The following ADAMTSL1 variants were observed in gnomAD, a reference collection of about 807,000 sequenced individuals.
ADAMTSL1 encodes ADAMTS like 1, also known as ADAMTS-like protein 1.
Under a neutral mutation model 201.8 loss-of-function variants are expected in ADAMTSL1, and 126 were observed. The ratio of observed to expected loss-of-function variants is 0.62; its 90% confidence interval spans 0.54 to 0.72. ADAMTSL1 has a LOEUF of 0.72. Among genes scored for constraint, ADAMTSL1 ranks in the 30% least tolerant of loss-of-function variants. ADAMTSL1 has a pLI of 0.00. For synonymous variants in ADAMTSL1, 1,121 were observed against 903.4 expected (o/e 1.24, Z -4.32); for missense variants, 2,679 against 2,277.8 (o/e 1.18, Z -3.59).
intron 17 of ADAMTSL1, among the ~76,000 whole-genome samples, chr9:18,774,365 T>C (rs1820862683): frequency 1.3e-5 from 2 of 152,092 alleles, no homozygotes; most frequent in Admixed American, 1.3e-4. Context: ...ACTTGAGCCC[T>C]CTGTTCTGTC....
At chr9:18,186,565 T>C (rs1369064758) in intron 2 of ADAMTSL1, among the ~76,000 whole-genome samples, 2 of 152,158 alleles carry the variant, frequency 1.3e-5, no homozygotes, top group Admixed American at 1.3e-4. Flanking sequence ...ACTTTGCATT[T>C]CAGTCCCTTT....
At chr9:18,550,042 T>C (rs1820706636) in intron 3 of ADAMTSL1, among the ~76,000 whole-genome samples, 1 of 151,988 alleles carries the variant, frequency 6.6e-6, no homozygotes, top group African/African-American at 2.4e-5. Flanking sequence ...AGATGACAGC[T>C]GCTCTGGAAA....
intron 2 of ADAMTSL1, among the ~76,000 whole-genome samples, chr9:18,173,177 C>T (rs139440266): frequency 1.4e-3 from 214 of 152,196 alleles, no homozygotes; most frequent in African/African-American, 5.0e-3. Context: ...GCATGTATAA[C>T]AAAAACTTGG....
chr9:18,889,700 G>C lies in ADAMTSL1; in HGVS notation c.4595G>C (p.Arg1532Pro). The C allele has an allele frequency of 1.9e-6, 3 of 1,576,698 alleles. No homozygotes were observed. The highest frequency in any genetic ancestry group is 2.6e-6 in the Non-Finnish European group (3 of 1,160,814). The part of the protein sequence containing the change: ...VNPAHCAGKV[R>P]PAVQPIACNR... ...CCTGCCCACTGCGCAGGGAAGGTTC[G>C]CCCTGCGGTGCAGCCCATCGCGTGC... The change falls in exon 25 of 29, where the codon CGC becomes CCC. Residue 1532 changes from arginine to proline, a missense_variant. By Grantham distance (103) the Arg-to-Pro change is moderately radical. Transcript: ENST00000380548.
chr9:18,730,598 A>T (rs528604432), intron 15 of ADAMTSL1, among the ~76,000 whole-genome samples: 1 of 152,224 alleles, frequency 6.6e-6, no homozygotes, highest in South Asian at 2.1e-4. Context: ...TTATCTAGTT[A>T]TCTTTATCCA....
intron 1 of ADAMTSL1, among the ~76,000 whole-genome samples, chr9:18,123,673 A>G (rs983743428): frequency 6.6e-6 from 1 of 152,170 alleles, no homozygotes; most frequent in African/African-American, 2.4e-5. Flanking sequence ...AATTTTAGTA[A>G]ATTTACAGAG....
At chr9:18,334,333 C>T (rs574848547) in intron 2 of ADAMTSL1, among the ~76,000 whole-genome samples, 129 of 152,262 alleles carry the variant, frequency 8.5e-4, no homozygotes, top group African/African-American at 3.0e-3. Flanking sequence ...GGCTTTCAAG[C>T]TGTCAGCTCC....
chr9:18,117,955 T>C lies in ADAMTSL1; in HGVS notation c.88-45907T>C, dbSNP rs577985905. On this transcript the variant is annotated intron_variant, in intron 1 of 29. Coordinates refer to the ADAMTSL1 transcript ENST00000680146. The stretch of plus-strand genomic sequence containing the variant: ...TTTAATGCTTGATCATTTAAAACTT[T>C]AACCTCTTTACACTTCCTTTTAATA... Among the ~76,000 whole-genome samples the C allele has an allele frequency of 5.9e-5, 9 of 152,326 alleles. No individual in the cohort carries two copies. In the South Asian group the frequency reaches 1.9e-3, roughly 32 times the overall value.
chr9:18,097,173 T>C (rs1217083627), intron 1 of ADAMTSL1, among the ~76,000 whole-genome samples: 1 of 152,224 alleles, frequency 6.6e-6, no homozygotes, highest in African/African-American at 2.4e-5. Flanking sequence ...TTCATATGCA[T>C]GGAATCATGT....
At chr9:18,626,704 T>C (rs1366005775) in intron 5 of ADAMTSL1, among the ~76,000 whole-genome samples, 1 of 152,172 alleles carries the variant, frequency 6.6e-6, no homozygotes, top group Non-Finnish European at 1.5e-5. Flanking sequence ...GGAAAGATAT[T>C]ACACTAAGCC....
chr9:18,664,187 C>G (rs1042601944), intron 9 of ADAMTSL1, among the ~76,000 whole-genome samples: 1 of 151,956 alleles, frequency 6.6e-6, no homozygotes, highest in Non-Finnish European at 1.5e-5. Flanking sequence ...AATGTAAGTA[C>G]GCTACTCTGA....
chr9:18,194,983 G>T (rs1829117607), intron 2 of ADAMTSL1, among the ~76,000 whole-genome samples: 1 of 152,024 alleles, frequency 6.6e-6, no homozygotes, highest in Non-Finnish European at 1.5e-5. Flanking sequence ...ATAATGCCCA[G>T]TTTAAGAATG....
chr9:18,119,816 T>G (rs1189827318), intron 1 of ADAMTSL1, among the ~76,000 whole-genome samples: 1 of 151,894 alleles, frequency 6.6e-6, no homozygotes, highest in Non-Finnish European at 1.5e-5. Context: ...GCTCAATGAG[T>G]AACAGAAACC....
intron 1 of ADAMTSL1, among the ~76,000 whole-genome samples, chr9:18,092,147 G>A (rs915751788): frequency 6.6e-6 from 1 of 152,040 alleles, no homozygotes; most frequent in African/African-American, 2.4e-5. Context: ...CTTGGGGCTC[G>A]GCTCTGGGGA....
intron 1 of ADAMTSL1, among the ~76,000 whole-genome samples, chr9:18,076,463 T>C (rs13286319): frequency 1.3e-5 from 2 of 152,192 alleles, no homozygotes; most frequent in Non-Finnish European, 2.9e-5. Flanking sequence ...ATAAATGCTG[T>C]GGCAGAAATG....
intron 1 of ADAMTSL1, among the ~76,000 whole-genome samples, chr9:17,990,013 G>A (rs1015372328): frequency 6.6e-6 from 1 of 151,226 alleles, no homozygotes; most frequent in African/African-American, 2.4e-5. Flanking sequence ...TCATGTTAGG[G>A]CAAAACAAAC....
intron 4 of ADAMTSL1, among the ~76,000 whole-genome samples, chr9:18,601,723 G>T (rs1294405789): frequency 6.6e-6 from 1 of 151,772 alleles, no homozygotes; most frequent in African/African-American, 2.4e-5. Flanking sequence ...CATAAATAAT[G>T]TATAGTATAA....
rs34840423 is a variant in ADAMTSL1, at chr9:17,947,312, T to TACACACACAC, written c.87+40415_87+40424dup. On this transcript the variant is annotated intron_variant, in intron 1 of 29. Coordinates refer to the ADAMTSL1 transcript ENST00000680146. Reference sequence around the variant, plus strand: ...GTAAGGCATTTACCTTATACACACATACACACACACACACACACACACACA... The same window carrying TACACACACAC: ...GTAAGGCATTTACCTTATACACACATACACACACACACACACACACACACACACACACACA... Among the ~76,000 whole-genome samples, 418 of 143,306 alleles carry TACACACACAC rather than the reference T, an allele frequency of 2.9e-3. 5 individuals carry two copies. Among genetic ancestry groups the TACACACACAC allele is most frequent in the African/African-American group, 9.8e-3 (385 of 39,156 alleles). 94.0% of individuals were successfully genotyped at this position (143,306 alleles called of 152,430 possible).
chr9:18,685,873 A>G (rs1403116480), intron 13 of ADAMTSL1, among the ~76,000 whole-genome samples: 1 of 152,150 alleles, frequency 6.6e-6, no homozygotes, highest in Non-Finnish European at 1.5e-5. Context: ...CTGTCATTTG[A>G]TTTCACATAC....
Sources: gnomAD v4.1 joint callset for allele counts (sites outside exome capture counted in the v4.1 genomes callset) on GRCh38, gnomAD v4.1.1 for gene constraint, MANE v1.5 for transcripts, NCBI Gene and HGNC (gene_info 2026-07-23, HGNC 2026-07-21) for gene names.